ATP8A2: variants seen among roughly 807,000 people sequenced by gnomAD.
ATP8A2 encodes the protein phospholipid-transporting ATPase IB.
ATP8A2 carries 100 observed loss-of-function variants against 165.6 expected under a neutral mutation model. That is an observed-to-expected ratio of 0.60 (90% CI 0.51 to 0.71). The LOEUF (loss-of-function observed/expected upper bound fraction) is 0.71. Ranked by LOEUF, ATP8A2 falls within the 30% of genes least tolerant of loss-of-function variation. The pLI is 0.00. For synonymous variants in ATP8A2, 543 were observed against 548.8 expected (o/e 0.99, Z 0.15); for missense variants, 1,227 against 1,479.5 (o/e 0.83, Z 2.80).
At chr13:25,534,635 A>G (rs1001947653) in intron 6 of ATP8A2, among the ~76,000 whole-genome samples, 2 of 152,258 alleles carry the variant, frequency 1.3e-5, no homozygotes, top group Non-Finnish European at 2.9e-5. Context: ...CAACAATAAC[A>G]AAGAAACACC....
chr13:25,999,609 A>G (rs1376997647), intron 35 of ATP8A2, among the ~76,000 whole-genome samples: 1 of 152,116 alleles, frequency 6.6e-6, no homozygotes, highest in African/African-American at 2.4e-5. Flanking sequence ...TCATCACCTT[A>G]TAGCATGGTA....
At chr13:25,386,885 T>C (rs1267748052) in intron 1 of ATP8A2, among the ~76,000 whole-genome samples, 1 of 149,280 alleles carries the variant, frequency 6.7e-6, no homozygotes, top group African/African-American at 2.4e-5. Context: ...TAGTCCCAGC[T>C]ACTTGGGAGG....
chr13:25,459,153 G>C (rs978926804), intron 1 of ATP8A2, among the ~76,000 whole-genome samples: 38 of 152,316 alleles, frequency 2.5e-4, no homozygotes, highest in South Asian at 6.2e-4. Context: ...ATTTTCAAGA[G>C]AGAAGCCAGA....
At chr13:25,481,829 C>T (rs1482536321) in intron 2 of ATP8A2, among the ~76,000 whole-genome samples, 1 of 152,138 alleles carries the variant, frequency 6.6e-6, no homozygotes, top group Admixed American at 6.5e-5. Context: ...GAAGGAGAGA[C>T]AGAGTGAGAG....
At chr13:25,837,400 A>T (rs1342629199) in intron 29 of ATP8A2, 115 bp downstream of exon 29, 7 of 1,127,264 alleles carry the variant, frequency 6.2e-6, no homozygotes, top group Non-Finnish European at 8.9e-6. Context: ...AAGTGCTGAA[A>T]ACATGATCCA....
At chr13:25,905,800 T>C (rs2138970552) in intron 33 of ATP8A2, among the ~76,000 whole-genome samples, 1 of 152,318 alleles carries the variant, frequency 6.6e-6, no homozygotes, top group South Asian at 2.1e-4. Flanking sequence ...CCTTCCTGCC[T>C]CTAGAGTGGC....
At chr13:25,587,573 T>C (rs992571905) in intron 23 of ATP8A2, among the ~76,000 whole-genome samples, 1 of 152,230 alleles carries the variant, frequency 6.6e-6, no homozygotes, top group African/African-American at 2.4e-5. Flanking sequence ...TCTGCAGCTG[T>C]TGTTGAAGTA....
intron 4 of ATP8A2, among the ~76,000 whole-genome samples, chr13:25,531,457 TTA>T (rs371799197): frequency 3.2e-5 from 1 of 31,454 alleles, no homozygotes; most frequent in East Asian, 2.4e-4. Context: ...ATATATATGA[TTA>T]TATATATGTT....
At chr13:25,606,527 C>A (rs1199257837) in intron 24 of ATP8A2, among the ~76,000 whole-genome samples, 2 of 152,152 alleles carry the variant, frequency 1.3e-5, no homozygotes, top group Non-Finnish European at 2.9e-5. Flanking sequence ...CTTCATCCAG[C>A]TGAATGGTCT....
intron 24 of ATP8A2, among the ~76,000 whole-genome samples, chr13:25,616,916 A>C (rs1484818464): frequency 6.6e-6 from 1 of 152,190 alleles, no homozygotes; most frequent in Non-Finnish European, 1.5e-5. Context: ...CTGCTGCCAG[A>C]GCCTCCAGCC....
chr13:25,579,812 GC>G lies in ATP8A2; in HGVS notation c.1873del (p.Arg625GlyfsTer19). 1 of 1,545,844 alleles carries G rather than the reference GC, an allele frequency of 6.5e-7. No individual in the cohort carries two copies. The highest frequency in any genetic ancestry group is 8.7e-7 in the Non-Finnish European group (1 of 1,153,054). Reference protein sequence around the residue: ...HLEYFATEGLRTLCVAYADLS... With the variant: ...HLEYFATEGLXTLCVAYADLS... ...TCACCAGTGGCTGTCTTGCAGGCTTGCGGACTCTCTGTGTGGCTTATGCTGA... is the reference window on the plus strand; with the variant it reads ...TCACCAGTGGCTGTCTTGCAGGCTTGGGACTCTCTGTGTGGCTTATGCTGA... On this transcript the variant is annotated frameshift_variant, in exon 22 of 37. Transcript: ENST00000381655. LOFTEE classifies it high-confidence loss of function.
At chr13:25,681,272 G>A (rs1042243313) in intron 24 of ATP8A2, among the ~76,000 whole-genome samples, 5 of 152,212 alleles carry the variant, frequency 3.3e-5, no homozygotes, top group Non-Finnish European at 5.9e-5. Flanking sequence ...TGGATATGAT[G>A]AAAATGAATG....
At chr13:25,781,940 C>T (rs142924577) in intron 27 of ATP8A2, among the ~76,000 whole-genome samples, 65 of 152,310 alleles carry the variant, frequency 4.3e-4, no homozygotes, top group African/African-American at 1.5e-3. Context: ...AAATTGGTAT[C>T]TATGTCCTAC....
intron 25 of ATP8A2, among the ~76,000 whole-genome samples, chr13:25,763,015 G>A (rs1051958676): frequency 2.0e-5 from 3 of 152,292 alleles, no homozygotes; most frequent in African/African-American, 7.2e-5. Context: ...GTTTTGAAAT[G>A]TCTAAGGATT....
intron 33 of ATP8A2, among the ~76,000 whole-genome samples, chr13:25,929,991 G>T (rs1273292588): frequency 6.6e-6 from 1 of 152,128 alleles, no homozygotes; most frequent in East Asian, 1.9e-4. Context: ...TCTCCAGCTT[G>T]TAGGTAGGGC....
chr13:25,530,140 A>G (rs1271942714), intron 3 of ATP8A2, 42 bp downstream of exon 3: 3 of 1,258,072 alleles, frequency 2.4e-6, no homozygotes, highest in South Asian at 1.2e-5. Flanking sequence ...ACTTAATTAC[A>G]TGTAAAATGA....
At position 25,577,059 on chromosome 13, in the gene ATP8A2, A is replaced by G; in HGVS notation, c.1713-10A>G. The G allele has an allele frequency of 6.3e-7, 1 of 1,592,926 alleles. No individual in the cohort carries two copies. Among genetic ancestry groups the G allele is most frequent in the Non-Finnish European group, 8.5e-7 (1 of 1,172,306 alleles). On this transcript the variant is annotated splice_polypyrimidine_tract_variant and intron_variant, in intron 19 of 36. Transcript: ENST00000381655. ...GACCAATGATGACTTTTTTTTTTTC[A>G]CTCTCCCAGTGACAGAAAAAGAATG... is the stretch of plus-strand genomic sequence containing the variant.
intron 2 of ATP8A2, among the ~76,000 whole-genome samples, chr13:25,517,732 T>C (rs2037527106): frequency 6.6e-6 from 1 of 152,228 alleles, no homozygotes; most frequent in Admixed American, 6.5e-5. Context: ...CTGACACCCC[T>C]TTTTCCTGCT....
chr13:25,741,775 T>TG (rs1218275051), intron 25 of ATP8A2, among the ~76,000 whole-genome samples: 16 of 152,152 alleles, frequency 1.1e-4, no homozygotes, highest in African/African-American at 3.6e-4. Context: ...TCACAGAATT[T>TG]GGGGGAAGGG....
Sources: gnomAD v4.1 joint callset for allele counts (sites outside exome capture counted in the v4.1 genomes callset) on GRCh38, gnomAD v4.1.1 for gene constraint, MANE v1.5 for transcripts, NCBI Gene and HGNC (gene_info 2026-07-23, HGNC 2026-07-21) for gene names.